The following BRINP3 variants were observed in gnomAD, a reference collection of about 807,000 sequenced individuals.
The protein encoded by BRINP3 is BMP/retinoic acid-inducible neural-specific protein 3.
Under a neutral mutation model 71.0 loss-of-function variants are expected in BRINP3, and 19 were observed. The ratio of observed to expected loss-of-function variants is 0.27; its 90% CI spans 0.19 to 0.39. BRINP3 has a LOEUF of 0.39. Ranked by LOEUF, BRINP3 falls within the 10% of genes least tolerant of loss-of-function variation. BRINP3 has a pLI of 1.00. For synonymous variants in BRINP3, 380 were observed against 337.7 expected (o/e 1.13, Z -1.37); for missense variants, 959 against 940.8 (o/e 1.02, Z -0.25).
At chr1:190,418,447 T>G (rs1673148766) in intron 2 of BRINP3, among the ~76,000 whole-genome samples, 1 of 152,188 alleles carries the variant, frequency 6.6e-6, no homozygotes, top group African/African-American at 2.4e-5. Flanking sequence ...AAAACTCTCC[T>G]TTCCATATCT....
intron 2 of BRINP3, among the ~76,000 whole-genome samples, chr1:190,360,500 A>T (rs1357617452): frequency 6.6e-6 from 1 of 152,152 alleles, no homozygotes; most frequent in Non-Finnish European, 1.5e-5. Flanking sequence ...CTAAGTGTGA[A>T]CTTTAAAATG....
intron 2 of BRINP3, among the ~76,000 whole-genome samples, chr1:190,393,561 A>G (rs1449588817): frequency 1.3e-5 from 2 of 151,766 alleles, no homozygotes; most frequent in African/African-American, 4.8e-5. Flanking sequence ...TTTTATATGC[A>G]TTTATTTTTA....
chr1:190,444,350 G>C (rs1312816051), intron 2 of BRINP3, among the ~76,000 whole-genome samples: 1 of 148,490 alleles, frequency 6.7e-6, no homozygotes, highest in Non-Finnish European at 1.5e-5. Context: ...TACAAAGGCT[G>C]TTTCCCAAGT....
chr1:190,417,263 A>T (rs938237159), intron 2 of BRINP3, among the ~76,000 whole-genome samples: 3 of 152,186 alleles, frequency 2.0e-5, no homozygotes, highest in Non-Finnish European at 4.4e-5. Flanking sequence ...TCATTTTGCC[A>T]TAAAAGAAGG....
At chr1:190,353,316 A>G (rs1668521961) in intron 2 of BRINP3, among the ~76,000 whole-genome samples, 2 of 152,176 alleles carry the variant, frequency 1.3e-5, no homozygotes, top group South Asian at 4.1e-4. Flanking sequence ...AGAATGTGGG[A>G]ATAATGACAT....
At chr1:190,322,444 A>T (rs767150694) in intron 2 of BRINP3, among the ~76,000 whole-genome samples, 1 of 152,064 alleles carries the variant, frequency 6.6e-6, no homozygotes, top group Non-Finnish European at 1.5e-5. Context: ...GATGTAGAAT[A>T]TTTCTCACTT....
intron 2 of BRINP3, among the ~76,000 whole-genome samples, chr1:190,396,316 A>G (rs1422378564): frequency 2.0e-5 from 3 of 151,912 alleles, no homozygotes; most frequent in Non-Finnish European, 4.4e-5. Context: ...TTGTAATAAG[A>G]AAGTTATACA....
intron 4 of BRINP3, among the ~76,000 whole-genome samples, chr1:190,261,066 T>G: frequency 6.6e-6 from 1 of 152,058 alleles, no homozygotes. Flanking sequence ...AGTGCATTAT[T>G]TCTAAAAATT....
intron 7 of BRINP3, among the ~76,000 whole-genome samples, chr1:190,157,214 T>C (rs1005735173): frequency 6.6e-6 from 1 of 152,012 alleles, no homozygotes; most frequent in Non-Finnish European, 1.5e-5. Context: ...TCCTTATGCA[T>C]GGGTTTCGCA....
chr1:190,146,896 A>C (rs901975451), intron 7 of BRINP3, among the ~76,000 whole-genome samples: 9 of 152,044 alleles, frequency 5.9e-5, no homozygotes, highest in Non-Finnish European at 8.8e-5. Context: ...TAATGGATAA[A>C]ATATATACAT....
At chr1:190,136,740 C>T (rs1171364263) in intron 7 of BRINP3, among the ~76,000 whole-genome samples, 1 of 151,950 alleles carries the variant, frequency 6.6e-6, no homozygotes, top group Non-Finnish European at 1.5e-5. Context: ...AATTTTTACT[C>T]ATAAATAAAT....
At chr1:190,327,326 CAAAAAAAA>C (rs1227478693) in intron 2 of BRINP3, among the ~76,000 whole-genome samples, 1,618 of 44,268 alleles carry the variant, frequency 0.037, 11 homozygotes, top group African/African-American at 0.094. Context: ...AAAAAAAGAA[CAAAAAAAA>C]AAAAAAAAAA....
chr1:190,384,622 T>C (rs1028892037), intron 2 of BRINP3, among the ~76,000 whole-genome samples: 3 of 152,008 alleles, frequency 2.0e-5, no homozygotes, highest in African/African-American at 7.2e-5. Flanking sequence ...CAAGTCTTTT[T>C]CTGATACAGT....
chr1:190,276,225 ATGTG>A (rs1211714536), intron 3 of BRINP3, among the ~76,000 whole-genome samples: 2 of 151,652 alleles, frequency 1.3e-5, no homozygotes, highest in African/African-American at 2.4e-5. Flanking sequence ...TAAATTATTT[ATGTG>A]TGTGTATTTG....
intron 3 of BRINP3, among the ~76,000 whole-genome samples, chr1:190,277,119 T>TATATATATA (rs1401150849): frequency 1.5e-3 from 40 of 26,950 alleles, no homozygotes; most frequent in South Asian, 4.6e-3. Context: ...ATATATATAT[T>TATATATATA]TATATTCAGA....
At chr1:190,143,221 C>CA (rs1655606481) in intron 7 of BRINP3, among the ~76,000 whole-genome samples, 1 of 152,278 alleles carries the variant, frequency 6.6e-6, no homozygotes, top group South Asian at 2.1e-4. Context: ...CAGCAAAACT[C>CA]AGACTGAAGT....
At chr1:190,376,178 G>A (rs1188328936) in intron 2 of BRINP3, among the ~76,000 whole-genome samples, 2 of 151,702 alleles carry the variant, frequency 1.3e-5, no homozygotes, top group Non-Finnish European at 2.9e-5. Flanking sequence ...TAATATAGTA[G>A]CAGCTGTCTG....
intron 2 of BRINP3, among the ~76,000 whole-genome samples, chr1:190,454,381 G>A (rs184926307): frequency 2.0e-5 from 3 of 152,106 alleles, no homozygotes; most frequent in Admixed American, 1.3e-4. Context: ...TAAGAAACTC[G>A]GCTTCCAAAT....
intron 2 of BRINP3, among the ~76,000 whole-genome samples, chr1:190,294,871 A>G (rs1462159689): frequency 6.6e-6 from 1 of 151,698 alleles, no homozygotes; most frequent in Admixed American, 6.6e-5. Context: ...AGTCTTGCAA[A>G]CTGCTAGCTC....
Sources: allele counts gnomAD v4.1 joint callset (sites outside exome capture counted in the v4.1 genomes callset), GRCh38; gene constraint gnomAD v4.1.1; transcripts MANE v1.5; gene names NCBI Gene and HGNC (gene_info 2026-07-23, HGNC 2026-07-21).